MFHAS1: variants seen among roughly 807,000 people sequenced by gnomAD.
MFHAS1 encodes the protein malignant fibrous histiocytoma-amplified sequence 1.
MFHAS1 carries 50 observed loss-of-function variants against 70.4 expected under a neutral mutation model. The ratio of observed to expected loss-of-function variants is 0.71; its 90% CI spans 0.57 to 0.90. The LOEUF is 0.90. Among genes scored for constraint, MFHAS1 ranks in the 40% least tolerant of loss-of-function variants. MFHAS1 has a pLI of 0.00. For synonymous variants in MFHAS1, 952 were observed against 620.0 expected (o/e 1.54, Z -7.96); for missense variants, 1,795 against 1,347.6 (o/e 1.33, Z -5.20).
chr8:8,870,216 G>A (rs1237909969), intron 1 of MFHAS1, among the ~76,000 whole-genome samples: 2 of 151,164 alleles, frequency 1.3e-5, no homozygotes, highest in Non-Finnish European at 2.9e-5. Context: ...CACTTCGGGA[G>A]GACAAGATGC....
chr8:8,797,373 G>A lies in MFHAS1; in HGVS notation c.3117C>T (p.Pro1039=), dbSNP rs113248444. 2.7e-5 allele frequency: 43 copies of A among 1,614,058 alleles called. 1 individual carries two copies. In the Middle Eastern group the frequency reaches 8.2e-4, roughly 31 times the overall value. Residue 1039 remains proline, a synonymous_variant, in exon 2 of 3, where the codon CCC becomes CCT. Coordinates refer to ENST00000276282, the MANE Select transcript of MFHAS1 (RefSeq NM_004225.3). ...GGACTTTGAGAACTCACTTGGAACA[G>A]GGGCTGATCACAGTCGGCGTGGGTG... ...VYPPTPTVIS[P]CSKKNVGEKH... is the part of the protein sequence containing the mutation.
At chr8:8,838,340 A>G (rs1343660386) in intron 1 of MFHAS1, among the ~76,000 whole-genome samples, 2 of 152,188 alleles carry the variant, frequency 1.3e-5, no homozygotes, top group African/African-American at 4.8e-5. Context: ...GTAGATACCT[A>G]AATCTGTCAC....
chr8:8,865,276 CAAAAAAAAAAA>C (rs35910015), intron 1 of MFHAS1, among the ~76,000 whole-genome samples: 5 of 64,672 alleles, frequency 7.7e-5, no homozygotes, highest in Admixed American at 2.2e-4. Context: ...GACTCCATCT[CAAAAAAAAAAA>C]AAAAAAAAAA....
intron 1 of MFHAS1, among the ~76,000 whole-genome samples, chr8:8,804,440 AC>A (rs531841377): frequency 1.3e-5 from 2 of 152,116 alleles, no homozygotes; most frequent in Admixed American, 6.5e-5. Context: ...ATTCATAAAC[AC>A]CCTTCAGCGT....
At chr8:8,848,245 C>T (rs1563202347) in intron 1 of MFHAS1, among the ~76,000 whole-genome samples, 1 of 152,176 alleles carries the variant, frequency 6.6e-6, no homozygotes, top group Non-Finnish European at 1.5e-5. Flanking sequence ...TCTCTTTAAT[C>T]ATTTCTCCAA....
At position 8,843,944 on chromosome 8, in the gene MFHAS1, CTTATT is replaced by C. The variant is rs560642854; in HGVS notation, c.2998+46112_2998+46116del. On this transcript the variant is annotated intron_variant, in intron 1 of 2. Transcript: ENST00000276282. ...ACAAAATATTAAAAAATAGCAGAAT[CTTATT>C]TTATAAGGGATTGTGGGATCAATTT... 6.3e-4 allele frequency among the ~76,000 whole-genome samples: 96 copies of C among 152,296 alleles called. 1 individual carries two copies. The highest frequency in any genetic ancestry group is 4.9e-3 in the Admixed American group (75 of 15,290).
intron 2 of MFHAS1, among the ~76,000 whole-genome samples, chr8:8,797,059 A>C (rs1554475382): frequency 6.6e-6 from 1 of 152,038 alleles, no homozygotes; most frequent in Non-Finnish European, 1.5e-5. Flanking sequence ...ACTGAAAACC[A>C]ATGAACTGTA....
At chr8:8,787,742 T>G (rs1302867655) in intron 2 of MFHAS1, among the ~76,000 whole-genome samples, 7 of 152,208 alleles carry the variant, frequency 4.6e-5, no homozygotes, top group African/African-American at 1.7e-4. Context: ...GTGGGAGATG[T>G]GTTACATAAA....
intron 1 of MFHAS1, among the ~76,000 whole-genome samples, chr8:8,813,217 C>T (rs544110275): frequency 1.3e-5 from 2 of 152,328 alleles, no homozygotes; most frequent in South Asian, 4.1e-4. Flanking sequence ...GTATAAACCA[C>T]CTACTTCACT....
intron 1 of MFHAS1, among the ~76,000 whole-genome samples, chr8:8,842,240 C>T (rs1344196649): frequency 1.3e-5 from 2 of 151,922 alleles, no homozygotes; most frequent in African/African-American, 4.8e-5. Context: ...GGCTGGAGTG[C>T]GGTGGCTCAA....
chr8:8,798,568 C>A (rs2117260577), intron 1 of MFHAS1, among the ~76,000 whole-genome samples: 1 of 152,266 alleles, frequency 6.6e-6, no homozygotes, highest in African/African-American at 2.4e-5. Context: ...AACTTCTGGC[C>A]TCAAGCAATC....
chr8:8,806,050 C>T (rs746619317), intron 1 of MFHAS1, among the ~76,000 whole-genome samples: 7 of 152,246 alleles, frequency 4.6e-5, no homozygotes, highest in South Asian at 4.1e-4. Context: ...TCATACAAAT[C>T]CAATCCTCTG....
At chr8:8,868,694 C>T (rs1808955052) in intron 1 of MFHAS1, among the ~76,000 whole-genome samples, 2 of 152,156 alleles carry the variant, frequency 1.3e-5, no homozygotes, top group South Asian at 2.1e-4. Context: ...TCAGGCATGA[C>T]ACCTGAGTCT....
At position 8,890,768 on chromosome 8, in the gene MFHAS1, C is replaced by T. The variant is rs768396718; in HGVS notation, c.2291G>A (p.Gly764Glu). 6 of 1,613,814 alleles carry T rather than the reference C, an allele frequency of 3.7e-6. No homozygotes were observed. Among genetic ancestry groups the T allele is most frequent in the Non-Finnish European group, 5.1e-6 (6 of 1,179,912 alleles). ...CCGCGCCATGGGCGGGGAGCTTTCC[C>T]CCTCCGCCTTGCCCTCTCCACTGGT... ...LGTSGEGKAE[G>E]ESSPPMARST... The change falls in exon 1 of 3, where the codon GGG becomes GAG. Residue 764 changes from glycine (G) to glutamate (E), a missense_variant. Physicochemically the swap from Gly to Glu is moderately conservative, Grantham distance 98. Coordinates refer to ENST00000276282, the MANE Select transcript of MFHAS1 (RefSeq NM_004225.3).
intron 1 of MFHAS1, among the ~76,000 whole-genome samples, chr8:8,879,512 C>G (rs780016137): frequency 3.6e-4 from 55 of 152,208 alleles, no homozygotes; most frequent in Non-Finnish European, 7.5e-4. Context: ...GTAATCCAAA[C>G]TGAAAGTCAA....
At chr8:8,847,451 A>G (rs1163042982) in intron 1 of MFHAS1, among the ~76,000 whole-genome samples, 1 of 152,206 alleles carries the variant, frequency 6.6e-6, no homozygotes, top group African/African-American at 2.4e-5. Flanking sequence ...CAAAGTGTTA[A>G]GATGACAGGT....
rs1336053018 is a variant in MFHAS1, at chr8:8,891,337, C to G, written c.1722G>C (p.Lys574Asn). Reference protein sequence around the residue: ...HDAEGLSRLAKVVDEALARDF... With the variant: ...HDAEGLSRLANVVDEALARDF... Reference sequence around the variant, plus strand: ...CCCGGGCCAGTGCCTCGTCCACCACCTTGGCCAAGCGGCTCAGTCCCTCCG... The same window carrying G: ...CCCGGGCCAGTGCCTCGTCCACCACGTTGGCCAAGCGGCTCAGTCCCTCCG... The change falls in exon 1 of 3, where the codon AAG becomes AAC. Residue 574 changes from lysine (K) to asparagine (N), a missense_variant. Lys to Asn is a moderately conservative substitution (Grantham distance 94). Coordinates refer to ENST00000276282, the MANE Select transcript of MFHAS1 (RefSeq NM_004225.3). The surrounding 1 kb of genome is among the most constrained non-coding windows in gnomAD (Gnocchi z 5.4). 2.5e-6 allele frequency: 4 copies of G among 1,611,092 alleles called. No homozygotes were observed. The highest frequency in any genetic ancestry group is 8.5e-7 in the Non-Finnish European group (1 of 1,180,030).
chr8:8,887,658 C>A (rs1809818958), intron 1 of MFHAS1, among the ~76,000 whole-genome samples: 1 of 151,008 alleles, frequency 6.6e-6, no homozygotes, highest in African/African-American at 2.4e-5. Flanking sequence ...GATAATTTTA[C>A]AATTTTTCAA....
intron 1 of MFHAS1, among the ~76,000 whole-genome samples, chr8:8,833,205 A>G (rs550733566): frequency 1.3e-5 from 2 of 152,226 alleles, no homozygotes; most frequent in African/African-American, 4.8e-5. Context: ...TGATCCAATC[A>G]TCTCCCACCA....
Sources: allele counts gnomAD v4.1 joint callset (sites outside exome capture counted in the v4.1 genomes callset), GRCh38; gene constraint gnomAD v4.1.1; non-coding constraint Gnocchi (gnomAD v3.1); transcripts MANE v1.5; gene names NCBI Gene and HGNC (gene_info 2026-07-23, HGNC 2026-07-21).